Variants in FAM135B observed in about 807,000 individuals in gnomAD.
FAM135B encodes family with sequence similarity 135 member B.
FAM135B carries 43 observed loss-of-function variants against 127.7 expected under a neutral mutation model. That is an observed-to-expected ratio of 0.34 (90% CI 0.26 to 0.43). FAM135B has a LOEUF of 0.43. Among genes scored for constraint, FAM135B ranks in the 20% least tolerant of loss-of-function variants. The probability of loss-of-function intolerance (pLI) is 1.00; values close to 1 mark genes in which losing one functional copy is unlikely to be tolerated. For synonymous variants in FAM135B, 670 were observed against 665.1 expected, an observed-to-expected ratio of 1.01 and a Z score of -0.11; for missense variants, 1,558 against 1,725.6, an observed-to-expected ratio of 0.90 and a Z score of 1.72.
intron 1 of FAM135B, chr8:138,450,707 T>C (rs1469911930): frequency 6.6e-6 from 1 of 152,216 alleles, no homozygotes; most frequent in East Asian, 1.9e-4. Context: ...ATTTTCTTAT[T>C]GTTGAGTTTT....
chr8:138,132,590 C>G lies in FAM135B; in HGVS notation c.*3G>C, dbSNP rs1405842512. 6.2e-7 allele frequency: 1 copy of G among 1,613,196 alleles called. No individual in the cohort carries two copies. The highest frequency in any genetic ancestry group is 8.5e-7 in the Non-Finnish European group (1 of 1,179,166). On this transcript the variant is annotated 3_prime_UTR_variant, in exon 20 of 20. Transcript: ENST00000395297. The surrounding 1 kb of genome is among the most constrained non-coding windows in gnomAD (Gnocchi z 4.5). ...TTACCAAAGACCTGCTCCCTCAAAG[C>G]CACTACTTGAAGTAGTTGAGTCCTG...
chr8:138,412,100 C>A (rs767951256), intron 1 of FAM135B, among the ~76,000 whole-genome samples: 1 of 152,128 alleles, frequency 6.6e-6, no homozygotes, highest in Admixed American at 6.6e-5. Flanking sequence ...GGCTGAAAAA[C>A]CAACTCTTAG....
rs78427844 is a variant in FAM135B, at chr8:138,363,047, G to T, written c.77+4860C>A. On this transcript the variant is annotated intron_variant, in intron 2 of 19. Transcript: ENST00000395297. The stretch of plus-strand genomic sequence containing the variant: ...TGGTTGGGAGAGGAGGTTATACTGA[G>T]CTGGAACTTGTATAGCATAGAATTT... Among the ~76,000 whole-genome samples the T allele has an allele frequency of 8.9e-3, 1,348 of 152,292 alleles. 26 individuals are homozygous for T. Among genetic ancestry groups the T allele is most frequent in the African/African-American group, 0.031 (1,293 of 41,568 alleles).
At chr8:138,453,776 G>C (rs1836626486) in intron 1 of FAM135B, among the ~76,000 whole-genome samples, 2 of 152,108 alleles carry the variant, frequency 1.3e-5, no homozygotes, top group Non-Finnish European at 2.9e-5. Flanking sequence ...CACCTTACAT[G>C]TTATTTCTGT....
At chr8:138,347,524 G>T (rs1429179188) in intron 2 of FAM135B, among the ~76,000 whole-genome samples, 2 of 152,200 alleles carry the variant, frequency 1.3e-5, no homozygotes, top group Admixed American at 1.3e-4. Flanking sequence ...GAAGGAAACA[G>T]CCAAAAGGAA....
chr8:138,373,541 A>G (rs958328932), intron 1 of FAM135B, among the ~76,000 whole-genome samples: 1 of 151,922 alleles, frequency 6.6e-6, no homozygotes, highest in African/African-American at 2.4e-5. Flanking sequence ...GGCTCCTTGA[A>G]AAAAGAACAG....
At chr8:138,156,709 A>C (rs1586631419) in intron 12 of FAM135B, among the ~76,000 whole-genome samples, 4 of 152,160 alleles carry the variant, frequency 2.6e-5, no homozygotes, top group Admixed American at 2.0e-4. Context: ...GAAATGGATA[A>C]ATTCCTGGAC....
intron 2 of FAM135B, among the ~76,000 whole-genome samples, chr8:138,326,427 T>G (rs2130970127): frequency 6.6e-6 from 1 of 152,288 alleles, no homozygotes; most frequent in Non-Finnish European, 1.5e-5. Flanking sequence ...ATGGGTTGAT[T>G]AAATGAGCTT....
intron 1 of FAM135B, among the ~76,000 whole-genome samples, chr8:138,371,968 T>A (rs1211636206): frequency 6.6e-6 from 1 of 152,172 alleles, no homozygotes; most frequent in African/African-American, 2.4e-5. Context: ...CTTGCCCTCA[T>A]GATGCTCAGG....
chr8:138,280,056 G>A (rs1824143459), intron 3 of FAM135B, among the ~76,000 whole-genome samples: 1 of 152,130 alleles, frequency 6.6e-6, no homozygotes, highest in Non-Finnish European at 1.5e-5. Context: ...AATAGGAACT[G>A]GGGCCTCAGA....
intron 1 of FAM135B, among the ~76,000 whole-genome samples, chr8:138,462,187 T>C (rs2131620116): frequency 6.6e-6 from 1 of 152,242 alleles, no homozygotes; most frequent in African/African-American, 2.4e-5. Flanking sequence ...ATTCCACATA[T>C]ATGTATATAT....
intron 7 of FAM135B, among the ~76,000 whole-genome samples, chr8:138,213,374 T>C (rs1241447524): frequency 6.6e-6 from 1 of 152,220 alleles, no homozygotes; most frequent in Non-Finnish European, 1.5e-5. Context: ...TTAATATCGT[T>C]ATAATGCCAA....
chr8:138,209,294 T>C (rs566353355), intron 7 of FAM135B, among the ~76,000 whole-genome samples: 6 of 143,690 alleles, frequency 4.2e-5, no homozygotes, highest in African/African-American at 1.5e-4. Context: ...CCACAGGATG[T>C]AGAGAGTGTG....
chr8:138,225,005 A>T (rs932335637), intron 7 of FAM135B, among the ~76,000 whole-genome samples: 7 of 152,240 alleles, frequency 4.6e-5, no homozygotes, highest in African/African-American at 1.7e-4. Flanking sequence ...TGAAGGAATA[A>T]GTTTTAATGA....
chr8:138,473,739 T>C (rs1167259636), intron 1 of FAM135B, among the ~76,000 whole-genome samples: 2 of 152,154 alleles, frequency 1.3e-5, no homozygotes, highest in Non-Finnish European at 2.9e-5. Flanking sequence ...CACCAGCAGC[T>C]TTAAGATACA....
At chr8:138,330,664 C>T (rs545283662) in intron 2 of FAM135B, among the ~76,000 whole-genome samples, 364 of 152,160 alleles carry the variant, frequency 2.4e-3, no homozygotes, top group Non-Finnish European at 4.5e-3. Context: ...TTTCCCTAAG[C>T]TGTGATACTG....
chr8:138,243,173 T>C lies in FAM135B; in HGVS notation c.543-105A>G. On this transcript the variant is annotated intron_variant, in intron 6 of 19. Transcript: ENST00000395297. This position sits in a 1 kb window ranked among gnomAD's most constrained non-coding sequence, Gnocchi z 7.5. ...GTTCCTGTGAAGCATTTGGGATAAGTCATTTAGGAGTAGTTCACCCCCTAG... is the reference window on the plus strand; with the variant it reads ...GTTCCTGTGAAGCATTTGGGATAAGCCATTTAGGAGTAGTTCACCCCCTAG... The C allele has an allele frequency of 1.5e-6, 2 of 1,368,300 alleles. No individual in the cohort carries two copies. Among genetic ancestry groups the C allele is most frequent in the Non-Finnish European group, 2.0e-6 (2 of 1,023,310 alleles). 84.8% of individuals were successfully genotyped at this position (1,368,300 alleles called of 1,614,324 possible).
chr8:138,134,449 C>T (rs2130508538), intron 19 of FAM135B, among the ~76,000 whole-genome samples: 1 of 152,162 alleles, frequency 6.6e-6, no homozygotes, highest in East Asian at 1.9e-4. Context: ...CTGCTGAGAC[C>T]TTGATTGGTT....
At chr8:138,462,939 T>C (rs565567929) in intron 1 of FAM135B, among the ~76,000 whole-genome samples, 3 of 152,238 alleles carry the variant, frequency 2.0e-5, no homozygotes, top group Non-Finnish European at 2.9e-5. Flanking sequence ...TGTATTCTCA[T>C]CCAAAAATTA....
Sources: allele counts gnomAD v4.1 joint callset (sites outside exome capture counted in the v4.1 genomes callset), GRCh38; gene constraint gnomAD v4.1.1; non-coding constraint Gnocchi (gnomAD v3.1); transcripts MANE v1.5; gene names NCBI Gene and HGNC (gene_info 2026-07-23, HGNC 2026-07-21).